NAALADL2: variants seen among roughly 807,000 people sequenced by gnomAD.
NAALADL2 encodes inactive N-acetylated-alpha-linked acidic dipeptidase-like protein 2.
Under a neutral mutation model 87.2 loss-of-function variants are expected in NAALADL2, and 76 were observed. The observed-to-expected ratio is 0.87, with a 90% CI of 0.72 to 1.05. The LOEUF (loss-of-function observed/expected upper bound fraction) is 1.05. Ranked by LOEUF, NAALADL2 falls within the 50% of genes least tolerant of loss-of-function variation. The pLI, the probability that NAALADL2 is intolerant of heterozygous loss-of-function variation, is 0.00. For missense variants in NAALADL2, 1,089 were observed against 945.8 expected (o/e 1.15, Z -1.99); for synonymous variants, 354 against 331.0 (o/e 1.07, Z -0.75).
intron 9 of NAALADL2, among the ~76,000 whole-genome samples, chr3:175,500,361 G>GA (rs949063127): frequency 1.3e-4 from 20 of 151,246 alleles, no homozygotes; most frequent in East Asian, 5.8e-4. Flanking sequence ...GTGTAGTGTG[G>GA]AAAAAAAAAT....
rs558539512 is a variant in NAALADL2, at chr3:175,262,985, C to A, written c.939+6455C>A. On this transcript the variant is annotated intron_variant, in intron 4 of 13. Transcript: ENST00000454872. ...TTAATAAGGCACTTCTTACCTAATT[C>A]TCAGAAGTAATTGCAAAAAAAAAAA... Among the ~76,000 whole-genome samples the A allele has an allele frequency of 2.4e-3, 343 of 141,752 alleles. 3 individuals carry two copies. The highest frequency in any genetic ancestry group is 8.5e-3 in the African/African-American group (329 of 38,874). The allele number at this position is 141,752 out of a possible 152,430, so 93.0% of individuals were successfully genotyped here. A position where few individuals can be genotyped will look rare whatever the true frequency, so the allele number is the denominator to read the frequency against.
chr3:175,357,511 T>C (rs1764521307), intron 5 of NAALADL2, among the ~76,000 whole-genome samples: 1 of 152,182 alleles, frequency 6.6e-6, no homozygotes, highest in Non-Finnish European at 1.5e-5. Context: ...AACTGTCCCA[T>C]AGATTTTTCC....
chr3:175,198,616 G>T (rs973425095), intron 2 of NAALADL2, among the ~76,000 whole-genome samples: 6 of 152,068 alleles, frequency 3.9e-5, no homozygotes, highest in African/African-American at 1.4e-4. Flanking sequence ...AAATGATAAT[G>T]TTGAAGGAGG....
At chr3:175,212,360 A>G (rs1741886680) in intron 2 of NAALADL2, among the ~76,000 whole-genome samples, 1 of 152,102 alleles carries the variant, frequency 6.6e-6, no homozygotes, top group Non-Finnish European at 1.5e-5. Flanking sequence ...GTTATATCCC[A>G]TTAACTAGTA....
At chr3:174,742,084 C>G (rs1733818538) in intron 3 of NAALADL2, among the ~76,000 whole-genome samples, 1 of 151,596 alleles carries the variant, frequency 6.6e-6, no homozygotes, top group South Asian at 2.1e-4. Flanking sequence ...GTAAAACTCA[C>G]TCTTATTTCT....
At chr3:175,426,185 G>A (rs1473780432) in intron 5 of NAALADL2, among the ~76,000 whole-genome samples, 1 of 152,098 alleles carries the variant, frequency 6.6e-6, no homozygotes, top group Non-Finnish European at 1.5e-5. Context: ...CCAGCGTATT[G>A]AAACCTGTCT....
chr3:175,791,840 C>T lies in NAALADL2; in HGVS notation c.2190-11165C>T, dbSNP rs181227657. On this transcript the variant is annotated intron_variant, in intron 13 of 13. Coordinates refer to ENST00000454872, the MANE Select transcript of NAALADL2 (RefSeq NM_207015.3). ...CAGCACACCTATTTTGTGCTGCATACCTGAGGACCCTCTTCAACCCTCTAA... is the reference window on the plus strand; with the variant it reads ...CAGCACACCTATTTTGTGCTGCATATCTGAGGACCCTCTTCAACCCTCTAA... 2.4e-3 allele frequency among the ~76,000 whole-genome samples: 357 copies of T among 150,174 alleles called. 1 individual carries two copies. Among genetic ancestry groups the T allele is most frequent in the Non-Finnish European group, 4.4e-3 (296 of 67,670 alleles).
intron 2 of NAALADL2, among the ~76,000 whole-genome samples, chr3:174,629,341 A>G (rs1721891824): frequency 6.6e-6 from 1 of 152,198 alleles, no homozygotes; most frequent in Admixed American, 6.5e-5. Flanking sequence ...AAAGCAATTT[A>G]TCTTTCAAAA....
At chr3:174,791,250 G>C (rs1345168312) in intron 3 of NAALADL2, among the ~76,000 whole-genome samples, 5 of 152,142 alleles carry the variant, frequency 3.3e-5, no homozygotes, top group Non-Finnish European at 7.3e-5. Flanking sequence ...ACCCCTCTCT[G>C]GGTATTCTCC....
At chr3:174,559,003 G>C (rs527781466) in intron 2 of NAALADL2, among the ~76,000 whole-genome samples, 3 of 152,216 alleles carry the variant, frequency 2.0e-5, no homozygotes, top group South Asian at 4.2e-4. Flanking sequence ...AGTTCAGAAT[G>C]ATTGCTACAT....
chr3:174,773,203 G>A (rs1714797149), intron 3 of NAALADL2, among the ~76,000 whole-genome samples: 1 of 152,190 alleles, frequency 6.6e-6, no homozygotes, highest in Non-Finnish European at 1.5e-5. Context: ...AGAGACCAAA[G>A]TGGCTCTCAG....
chr3:175,132,297 C>G (rs1728147582), intron 2 of NAALADL2, among the ~76,000 whole-genome samples: 1 of 580 alleles, frequency 1.7e-3, no homozygotes, highest in Non-Finnish European at 2.9e-3. Flanking sequence ...ACGGGGGCAG[C>G]TGGCCGGGTG....
At chr3:175,324,701 G>A (rs1760464295) in intron 5 of NAALADL2, among the ~76,000 whole-genome samples, 1 of 152,208 alleles carries the variant, frequency 6.6e-6, no homozygotes, top group Non-Finnish European at 1.5e-5. Context: ...TGGGGCAGCT[G>A]TAATAACTTT....
At chr3:174,877,064 A>C (rs781470361) in intron 1 of NAALADL2, among the ~76,000 whole-genome samples, 1 of 152,090 alleles carries the variant, frequency 6.6e-6, no homozygotes, top group African/African-American at 2.4e-5. Flanking sequence ...CCCCAAGACT[A>C]TTTAAACCTA....
chr3:175,069,831 C>CA lies in NAALADL2; in HGVS notation c.44-26958dup, dbSNP rs1388058003. ...TATACACCATGGAATACTATGCAGCCATAAAAAATGATGAGTTCATGTCCT... is the reference window on the plus strand; with the variant it reads ...TATACACCATGGAATACTATGCAGCCAATAAAAAATGATGAGTTCATGTCCT... On this transcript the variant is annotated intron_variant, in intron 1 of 13. Transcript: ENST00000454872. Among the ~76,000 whole-genome samples the CA allele has an allele frequency of 2.0e-5, 3 of 149,170 alleles. No homozygotes were observed. The Admixed American group carries it at 2.0e-4, about 10-fold the overall frequency.
intron 3 of NAALADL2, among the ~76,000 whole-genome samples, chr3:174,747,567 A>G (rs1045805176): frequency 7.3e-6 from 1 of 137,642 alleles, no homozygotes; most frequent in African/African-American, 2.7e-5. Flanking sequence ...GGTTGCAATG[A>G]GCTGAGATTG....
At chr3:174,940,040 A>G (rs1738335944) in intron 1 of NAALADL2, among the ~76,000 whole-genome samples, 1 of 152,050 alleles carries the variant, frequency 6.6e-6, no homozygotes, top group Non-Finnish European at 1.5e-5. Context: ...TCCTAATACT[A>G]TGTTGAATAG....
chr3:174,690,025 A>G (rs1348634179), intron 2 of NAALADL2, among the ~76,000 whole-genome samples: 1 of 152,170 alleles, frequency 6.6e-6, no homozygotes, highest in Non-Finnish European at 1.5e-5. Context: ...TATTTAGATA[A>G]CTAAGTCAAA....
chr3:175,073,940 G>A (rs907999192), intron 1 of NAALADL2, among the ~76,000 whole-genome samples: 2 of 151,966 alleles, frequency 1.3e-5, no homozygotes, highest in African/African-American at 4.8e-5. Context: ...CATTTCCTAT[G>A]TATTCAGGGT....
Sources: gnomAD v4.1 joint callset for allele counts (sites outside exome capture counted in the v4.1 genomes callset) on GRCh38, gnomAD v4.1.1 for gene constraint, MANE v1.5 for transcripts, NCBI Gene and HGNC (gene_info 2026-07-23, HGNC 2026-07-21) for gene names.